ZSCAN4: variants seen among roughly 807,000 people sequenced by gnomAD.
ZSCAN4 encodes the protein zinc finger and SCAN domain containing 4.
Under a neutral mutation model 18.3 loss-of-function variants are expected in ZSCAN4, and 18 were observed. That is an observed-to-expected ratio of 0.98 (90% CI 0.68 to 1.46). The LOEUF (loss-of-function observed/expected upper bound fraction) is 1.46. Ranked by LOEUF, ZSCAN4 falls within the 40% of genes most tolerant of loss-of-function variation. ZSCAN4 has a pLI of 0.00. For missense variants in ZSCAN4, 498 were observed against 511.4 expected (o/e 0.97, Z 0.25); for synonymous variants, 193 against 180.3 (o/e 1.07, Z -0.57).
At chr19:57,655,147 G>A in the ZSCAN4 span, among the ~76,000 whole-genome samples, 14 of 152,216 alleles carry the variant, frequency 9.2e-5, no homozygotes, top group East Asian at 1.7e-3. Context: ...AAGCTAATCC[G>A]GGATATGCCC....
chr19:57,674,967 T>G (rs1984133903), intron 2 of ZSCAN4, among the ~76,000 whole-genome samples: 1 of 150,204 alleles, frequency 6.7e-6, no homozygotes, highest in South Asian at 2.1e-4. Flanking sequence ...TTTTTTTTTT[T>G]TTTTTTTTTA....
the ZSCAN4 span, among the ~76,000 whole-genome samples, chr19:57,663,520 T>TAAAAAAAAAAAAAAAAAAAAAA: frequency 1.4e-3 from 92 of 66,568 alleles, 1 homozygote; most frequent in African/African-American, 5.7e-3. Flanking sequence ...ACCATGTCTC[T>TAAAAAAAAAAAAAAAAAAAAAA]AAAAAAAAAA....
chr19:57,669,870 A>T (rs981183378), intron 1 of ZSCAN4, among the ~76,000 whole-genome samples: 4 of 151,934 alleles, frequency 2.6e-5, no homozygotes, highest in African/African-American at 9.7e-5. Flanking sequence ...TAACATTTTT[A>T]ACATTATTTT....
At chr19:57,673,876 C>A (rs1447462145) in intron 2 of ZSCAN4, among the ~76,000 whole-genome samples, 2 of 152,120 alleles carry the variant, frequency 1.3e-5, no homozygotes, top group Non-Finnish European at 2.9e-5. Flanking sequence ...TGCTCAGCCT[C>A]CCGAGTAGCT....
chr19:57,673,590 C>T (rs1396091514), intron 2 of ZSCAN4, among the ~76,000 whole-genome samples: 2 of 152,100 alleles, frequency 1.3e-5, no homozygotes, highest in African/African-American at 4.8e-5. Flanking sequence ...TGTCATGGCA[C>T]CACTGCACTC....
the ZSCAN4 span, among the ~76,000 whole-genome samples, chr19:57,652,528 C>T: frequency 2.6e-5 from 4 of 152,058 alleles, no homozygotes; most frequent in Non-Finnish European, 5.9e-5. Context: ...TTGACCCAGT[C>T]GATGAACCTC....
chr19:57,660,104 C>T, the ZSCAN4 span, among the ~76,000 whole-genome samples: 1 of 152,186 alleles, frequency 6.6e-6, no homozygotes, highest in Non-Finnish European at 1.5e-5. Context: ...GATGCCGTCA[C>T]TCCATCATTC....
At position 57,678,326 on chromosome 19, in the gene ZSCAN4, C is replaced by T. The variant is rs551517361; in HGVS notation, c.723C>T (p.Tyr241=). Residue 241 remains tyrosine, a synonymous_variant, in exon 5 of 5, where the codon TAC becomes TAT. Transcript: ENST00000318203. ...GAGGTGTTTCTTCTGACAACCCATACAACTCAAAAAGAGCAGAGCTAGTCA... is the reference window on the plus strand; with the variant it reads ...GAGGTGTTTCTTCTGACAACCCATATAACTCAAAAAGAGCAGAGCTAGTCA... 206 of 1,614,152 alleles carry T rather than the reference C, an allele frequency of 1.3e-4. 3 individuals are homozygous for T. In the South Asian group the frequency reaches 1.7e-3, roughly 13 times the overall value.
the ZSCAN4 span, among the ~76,000 whole-genome samples, chr19:57,652,268 C>T: frequency 3.9e-5 from 6 of 152,170 alleles, no homozygotes; most frequent in African/African-American, 1.2e-4. Context: ...TGTGGCTTGG[C>T]CCCAATATAA....
At chr19:57,659,037 C>A in the ZSCAN4 span, among the ~76,000 whole-genome samples, 1 of 152,030 alleles carries the variant, frequency 6.6e-6, no homozygotes, top group Admixed American at 6.6e-5. Context: ...AGTCCTGTCT[C>A]ATGCAATTAG....
the ZSCAN4 span, among the ~76,000 whole-genome samples, chr19:57,660,883 C>T: frequency 1.3e-3 from 189 of 149,972 alleles, no homozygotes; most frequent in Admixed American, 3.5e-3. Context: ...AGTGTAGATT[C>T]CTCTTCTGTC....
At chr19:57,651,734 G>T in the ZSCAN4 span, among the ~76,000 whole-genome samples, 1 of 152,238 alleles carries the variant, frequency 6.6e-6, no homozygotes, top group African/African-American at 2.4e-5. Context: ...GCTCATCCCA[G>T]GTGAATTCCC....
the ZSCAN4 span, among the ~76,000 whole-genome samples, chr19:57,651,503 G>A: frequency 1.1e-4 from 16 of 152,124 alleles, no homozygotes; most frequent in Admixed American, 3.9e-4. Context: ...GACCTCTCCC[G>A]CCTAGACCTA....
chr19:57,671,989 A>G (rs571457251), intron 2 of ZSCAN4, among the ~76,000 whole-genome samples: 7 of 152,360 alleles, frequency 4.6e-5, no homozygotes, highest in South Asian at 4.1e-4. Context: ...AATGTTAACC[A>G]TATATAAAAT....
At chr19:57,678,319 A>C (rs759578097) in exon 5 of ZSCAN4, 1 of 1,614,162 alleles carries the variant, frequency 6.2e-7, no homozygotes, top group South Asian at 1.1e-5. Context: ...TCTTCTGACA[A>C]CCCATACAAC....
intron 1 of ZSCAN4, among the ~76,000 whole-genome samples, chr19:57,670,022 C>A (rs1049714327): frequency 3.3e-5 from 5 of 152,072 alleles, no homozygotes; most frequent in Admixed American, 3.3e-4. Context: ...CCTGCCTCAG[C>A]CTCCCAAGTA....
upstream of ZSCAN4, among the ~76,000 whole-genome samples, chr19:57,665,328 C>T (rs1983825747): frequency 6.6e-6 from 1 of 152,146 alleles, no homozygotes. Context: ...TACTTGGCTT[C>T]TGGCGGTTCT....
At chr19:57,674,683 A>G (rs9749360) in intron 2 of ZSCAN4, among the ~76,000 whole-genome samples, 52,025 of 151,888 alleles carry the variant, frequency 0.34, 9,253 homozygotes, top group Non-Finnish European at 0.39. Context: ...TTGAGTAGAT[A>G]CTGAGCTGGA....
the ZSCAN4 span, among the ~76,000 whole-genome samples, chr19:57,658,013 G>A: frequency 6.6e-6 from 1 of 152,140 alleles, no homozygotes; most frequent in Admixed American, 6.5e-5. Flanking sequence ...TGAATCTATA[G>A]ATGCAGAACC....
Sources: gnomAD v4.1 joint callset for allele counts (sites outside exome capture counted in the v4.1 genomes callset) on GRCh38, gnomAD v4.1.1 for gene constraint, MANE v1.5 for transcripts, NCBI Gene and HGNC (gene_info 2026-07-23, HGNC 2026-07-21) for gene names.